The following IMMP2L variants were observed in gnomAD, a reference collection of about 807,000 sequenced individuals.
IMMP2L encodes the protein inner mitochondrial membrane peptidase subunit 2.
In IMMP2L, 18 loss-of-function variants were observed where a neutral mutation model predicts 19.3. The observed-to-expected ratio is 0.93, with a 90% CI of 0.64 to 1.38. IMMP2L has a LOEUF of 1.38. IMMP2L is among the 40% of genes most tolerant of loss of function. The pLI, the probability that IMMP2L is intolerant of heterozygous loss-of-function variation, is 0.00. For missense variants in IMMP2L, 233 were observed against 218.2 expected (o/e 1.07, Z -0.43); for synonymous variants, 76 against 73.0 (o/e 1.04, Z -0.21).
chr7:111,359,592 G>A (rs186120441), intron 3 of IMMP2L, among the ~76,000 whole-genome samples: 66 of 152,058 alleles, frequency 4.3e-4, no homozygotes, highest in African/African-American at 1.4e-3. Context: ...GTAAGTCACC[G>A]TGCCCGGCCT....
At chr7:111,271,880 C>A (rs924119076) in intron 3 of IMMP2L, among the ~76,000 whole-genome samples, 1 of 152,158 alleles carries the variant, frequency 6.6e-6, no homozygotes, top group African/African-American at 2.4e-5. Context: ...TAACTACTTT[C>A]TCTCTCTGGT....
intron 3 of IMMP2L, among the ~76,000 whole-genome samples, chr7:111,357,571 G>A (rs1828842282): frequency 6.6e-6 from 1 of 152,024 alleles, no homozygotes; most frequent in Non-Finnish European, 1.5e-5. Context: ...TTAGAACAGT[G>A]TCACCTGAAT....
At chr7:110,749,200 C>A (rs1797570992) in intron 5 of IMMP2L, among the ~76,000 whole-genome samples, 1 of 152,126 alleles carries the variant, frequency 6.6e-6, no homozygotes, top group South Asian at 2.1e-4. Context: ...AATGAGATAC[C>A]ATCTCATGCC....
intron 3 of IMMP2L, among the ~76,000 whole-genome samples, chr7:111,257,058 C>T (rs956251318): frequency 2.0e-5 from 3 of 152,016 alleles, no homozygotes; most frequent in African/African-American, 7.2e-5. Context: ...TTCTCTTTCA[C>T]ATTTATCAGG....
intron 2 of IMMP2L, among the ~76,000 whole-genome samples, chr7:111,510,050 G>A (rs568493861): frequency 2.0e-5 from 3 of 152,234 alleles, no homozygotes; most frequent in African/African-American, 7.2e-5. Flanking sequence ...TTATAATCAT[G>A]AGTTAAACTT....
chr7:111,214,584 C>T (rs1236662040), intron 3 of IMMP2L, among the ~76,000 whole-genome samples: 2 of 143,262 alleles, frequency 1.4e-5, no homozygotes, highest in Middle Eastern at 3.2e-3. Flanking sequence ...AACTTCTGAC[C>T]TCAGGTGATC....
chr7:111,132,870 T>C (rs556954468), intron 3 of IMMP2L, among the ~76,000 whole-genome samples: 1 of 152,106 alleles, frequency 6.6e-6, no homozygotes, highest in Admixed American at 6.5e-5. Flanking sequence ...CTTAGGTTAA[T>C]GAGATTCTAT....
intron 5 of IMMP2L, among the ~76,000 whole-genome samples, chr7:110,772,430 C>T (rs1019946292): frequency 9.9e-5 from 15 of 152,272 alleles, no homozygotes; most frequent in African/African-American, 3.4e-4. Flanking sequence ...ATTTAACCTA[C>T]GGCTGCTTTA....
intron 1 of IMMP2L, among the ~76,000 whole-genome samples, chr7:111,539,629 T>C (rs1435705383): frequency 6.7e-6 from 1 of 149,374 alleles, no homozygotes; most frequent in Non-Finnish European, 1.5e-5. Flanking sequence ...GCTTTTTATC[T>C]GGTTTTTTTT....
chr7:111,451,663 G>A (rs1839202262), intron 3 of IMMP2L, among the ~76,000 whole-genome samples: 1 of 148,678 alleles, frequency 6.7e-6, no homozygotes, highest in Non-Finnish European at 1.5e-5. Flanking sequence ...GTATACATAT[G>A]TAACTAACCT....
At chr7:111,488,229 CG>C (rs1395978193) in intron 2 of IMMP2L, among the ~76,000 whole-genome samples, 1 of 151,896 alleles carries the variant, frequency 6.6e-6, no homozygotes, top group Non-Finnish European at 1.5e-5. Flanking sequence ...AGACAGTGTT[CG>C]GTTACATGAG....
chr7:111,357,501 C>T (rs1254662625), intron 3 of IMMP2L, among the ~76,000 whole-genome samples: 2 of 152,094 alleles, frequency 1.3e-5, no homozygotes, highest in Non-Finnish European at 2.9e-5. Context: ...ACATAGCCCC[C>T]TAACCATGTT....
chr7:110,726,017 T>C (rs149217503), intron 5 of IMMP2L, among the ~76,000 whole-genome samples: 1,827 of 152,294 alleles, frequency 0.012, 26 homozygotes, highest in South Asian at 0.048. Context: ...TTGAGGTTCA[T>C]AGAGATTAAA....
chr7:111,559,790 G>C (rs1020533675), intron 1 of IMMP2L, among the ~76,000 whole-genome samples: 2 of 151,930 alleles, frequency 1.3e-5, no homozygotes, highest in African/African-American at 4.8e-5. Context: ...TCTTTGTTCT[G>C]TTTTGATGGA....
intron 5 of IMMP2L, among the ~76,000 whole-genome samples, chr7:110,730,935 C>T (rs1796235887): frequency 6.6e-6 from 1 of 152,148 alleles, no homozygotes; most frequent in Admixed American, 6.5e-5. Context: ...TTACATGTAT[C>T]CTATTAGTTC....
At chr7:111,473,959 T>C (rs1038839196) in intron 3 of IMMP2L, among the ~76,000 whole-genome samples, 3 of 152,074 alleles carry the variant, frequency 2.0e-5, no homozygotes, top group South Asian at 2.1e-4. Context: ...GAAAGTGTGG[T>C]ACAAATACAC....
intron 3 of IMMP2L, among the ~76,000 whole-genome samples, chr7:110,998,127 GC>G (rs1379648284): frequency 6.6e-6 from 1 of 152,028 alleles, no homozygotes; most frequent in African/African-American, 2.4e-5. Context: ...AGGATATCTG[GC>G]TGGATGGTTC....
chr7:111,158,718 A>G (rs562897400), intron 3 of IMMP2L, among the ~76,000 whole-genome samples: 2 of 152,302 alleles, frequency 1.3e-5, no homozygotes, highest in South Asian at 4.1e-4. Flanking sequence ...AATAATGTAG[A>G]TAACAAATGG....
At chr7:111,138,003 T>G (rs949359016) in intron 3 of IMMP2L, among the ~76,000 whole-genome samples, 14 of 151,868 alleles carry the variant, frequency 9.2e-5, no homozygotes, top group African/African-American at 2.7e-4. Context: ...TTTTGTGGGG[T>G]TTTTTTTGTA....
Sources: allele counts gnomAD v4.1 joint callset (sites outside exome capture counted in the v4.1 genomes callset), GRCh38; gene constraint gnomAD v4.1.1; transcripts MANE v1.5; gene names NCBI Gene and HGNC (gene_info 2026-07-23, HGNC 2026-07-21).